SLTM: variants seen among roughly 807,000 people sequenced by gnomAD.
SLTM encodes the protein SAFB-like transcription modulator.
In SLTM, 43 loss-of-function variants were observed where a neutral mutation model predicts 134.6. The observed-to-expected ratio is 0.32, with a 90% CI of 0.25 to 0.41. SLTM has a LOEUF of 0.41. Ranked by LOEUF, SLTM falls within the 10% of genes least tolerant of loss-of-function variation. The pLI is 1.00. For missense variants in SLTM, 1,055 were observed against 1,288.8 expected (o/e 0.82, Z 2.78); for synonymous variants, 424 against 432.3 (o/e 0.98, Z 0.24).
Position 58,894,440 on chromosome 15 carries a change from A to G in SLTM, c.1370T>C (p.Val457Ala), listed in dbSNP as rs1235391427. Residue 457 changes from valine to alanine, a missense_variant, in exon 10 of 21, where the codon GTT becomes GCT. Val to Ala is a moderately conservative substitution (Grantham distance 64). This residue lies in a region of SLTM where 776 missense variants were observed against 962.2 expected (regional missense o/e 0.81). Coordinates refer to ENST00000380516, the MANE Select transcript of SLTM (RefSeq NM_024755.4). ...RTELHGQLIS[V>A]EKVKGDPSKK... Reference sequence around the variant, plus strand: ...ACAGTTAGGGAAGCTTACTTTTTCAACAGAAATCAGCTGTCCATGCAGCTC... The same window carrying G: ...ACAGTTAGGGAAGCTTACTTTTTCAGCAGAAATCAGCTGTCCATGCAGCTC... 1 of 1,614,022 alleles carries G rather than the reference A, an allele frequency of 6.2e-7. No homozygotes were observed. The highest frequency in any genetic ancestry group is 1.7e-5 in the Admixed American group (1 of 59,990).
chr15:58,883,977 T>C (rs1414558795), intron 19 of SLTM, among the ~76,000 whole-genome samples, 191 bp from the exon 20 acceptor site: 1 of 151,628 alleles, frequency 6.6e-6, no homozygotes, highest in African/African-American at 2.4e-5. Flanking sequence ...CCCACACCTA[T>C]AATCCCAGCT....
intron 2 of SLTM, among the ~76,000 whole-genome samples, chr15:58,923,727 C>T (rs1461397850): frequency 6.6e-6 from 1 of 151,656 alleles, no homozygotes; most frequent in Non-Finnish European, 1.5e-5. Context: ...TAGCAACTGC[C>T]GCAAAACTGT....
intron 16 of SLTM, 69 bp from the exon 17 acceptor site, chr15:58,888,624 T>A: frequency 1.4e-6 from 2 of 1,480,736 alleles, no homozygotes; most frequent in Non-Finnish European, 1.9e-6. Context: ...TTACTTGGAG[T>A]CATACATACC....
At chr15:58,904,967 C>G (rs1403657833) in intron 5 of SLTM, among the ~76,000 whole-genome samples, 2 of 152,120 alleles carry the variant, frequency 1.3e-5, no homozygotes, top group African/African-American at 4.8e-5. Flanking sequence ...CCTCGGCCTC[C>G]CAAAGTCCTG....
rs2034427260 is a variant in SLTM at position 58,888,776 on chromosome 15, A to G, written c.2205-221T>C. ...ATTTAACAGGAGAGAAAATAGTTGA[A>G]AAACTGCCTGTCTTTTCCATTAAAT... On this transcript the variant is annotated intron_variant, in intron 16 of 20. Coordinates refer to ENST00000380516, the MANE Select transcript of SLTM (RefSeq NM_024755.4). The G allele has an allele frequency of 7.6e-6, 3 of 396,646 alleles. No individual in the cohort carries two copies. The East Asian group carries it at 1.2e-4, about 16-fold the overall frequency. 24.6% of individuals were successfully genotyped at this position (396,646 alleles called of 1,614,324 possible). A position where few individuals can be genotyped will look rare whatever the true frequency, so the allele number is the denominator to read the frequency against.
At chr15:58,927,127 T>C (rs938545366) in intron 2 of SLTM, among the ~76,000 whole-genome samples, 7 of 151,672 alleles carry the variant, frequency 4.6e-5, no homozygotes, top group African/African-American at 1.7e-4. Flanking sequence ...CATTATGCTC[T>C]TGAGAGAGGC....
chr15:58,899,834 A>G lies in SLTM; in HGVS notation c.693T>C (p.Ala231=). 6.2e-7 allele frequency: 1 copy of G among 1,614,082 alleles called. No homozygotes were observed. Among genetic ancestry groups the G allele is most frequent in the Non-Finnish European group, 8.5e-7 (1 of 1,179,998 alleles). Residue 231 remains alanine (A), a synonymous_variant, in exon 7 of 21, where the codon GCT becomes GCC. Transcript: ENST00000380516. This position sits in a 1 kb window ranked among gnomAD's most constrained non-coding sequence, Gnocchi z 5.0. ...CCTCAGCTTCTTTCACAGTCGTATG[A>G]GCTTCCATCTCTTCATGAGCTGTGT... ...ADHTAHEEME[A]HTTVKEAEDD... is the part of the protein sequence containing the mutation.
chr15:58,903,431 A>G (rs2035631065), intron 5 of SLTM, among the ~76,000 whole-genome samples: 2 of 152,000 alleles, frequency 1.3e-5, no homozygotes, highest in South Asian at 4.1e-4. Flanking sequence ...AAAGCCTTAG[A>G]GCAGTGGTTC....
chr15:58,887,171 T>G (rs528652453), intron 18 of SLTM, 52 bp from the exon 19 acceptor site: 1 of 1,612,334 alleles, frequency 6.2e-7, no homozygotes, highest in African/African-American at 1.3e-5. Flanking sequence ...ATCTTAACTT[T>G]TTTTAACCCC....
At chr15:58,920,761 G>A (rs2036986066) in intron 2 of SLTM, among the ~76,000 whole-genome samples, 1 of 152,002 alleles carries the variant, frequency 6.6e-6, no homozygotes, top group Non-Finnish European at 1.5e-5. Flanking sequence ...TTCGAGACCA[G>A]CCTGGCCAAC....
intron 2 of SLTM, chr15:58,921,655 A>G: frequency 2.9e-6 from 1 of 350,134 alleles, no homozygotes; most frequent in Non-Finnish European, 5.9e-6. Flanking sequence ...GATACATAGT[A>G]TTCAAAAAAA....
intron 5 of SLTM, among the ~76,000 whole-genome samples, chr15:58,906,366 G>T (rs1428027482): frequency 6.6e-6 from 1 of 152,056 alleles, no homozygotes; most frequent in African/African-American, 2.4e-5. Context: ...TGTCTACAAG[G>T]TAAGTACTCA....
At chr15:58,930,238 C>T (rs12440306) in intron 2 of SLTM, among the ~76,000 whole-genome samples, 2 of 151,522 alleles carry the variant, frequency 1.3e-5, no homozygotes, top group South Asian at 2.1e-4. Flanking sequence ...CCCAGCCTCC[C>T]GAGTAGCTGG....
intron 2 of SLTM, among the ~76,000 whole-genome samples, chr15:58,919,890 C>A (rs149738302): frequency 1.2e-4 from 19 of 152,238 alleles, no homozygotes; most frequent in African/African-American, 4.6e-4. Context: ...AAATACCTTG[C>A]CTAAAACTTG....
chr15:58,920,495 T>C (rs1175092676), intron 2 of SLTM, among the ~76,000 whole-genome samples: 2 of 150,848 alleles, frequency 1.3e-5, no homozygotes, highest in African/African-American at 2.4e-5. Context: ...TGGTGGCACA[T>C]GCCTGTAATC....
chr15:58,925,020 T>C (rs1306371915), intron 2 of SLTM, among the ~76,000 whole-genome samples: 1 of 149,292 alleles, frequency 6.7e-6, no homozygotes, highest in Non-Finnish European at 1.5e-5. Context: ...CAAAATACTT[T>C]ATGGCTGAGT....
chr15:58,917,569 T>C (rs2141158009), intron 2 of SLTM, among the ~76,000 whole-genome samples: 1 of 152,330 alleles, frequency 6.6e-6, no homozygotes, highest in South Asian at 2.1e-4. Context: ...TTATGCTAAT[T>C]ATTTATTTCT....
intron 2 of SLTM, among the ~76,000 whole-genome samples, chr15:58,924,706 T>C (rs1484435381): frequency 6.6e-6 from 1 of 152,218 alleles, no homozygotes; most frequent in Non-Finnish European, 1.5e-5. Context: ...AATTGGTCTT[T>C]ATAAGGGTTT....
At position 58,925,380 on chromosome 15, in the gene SLTM, C is replaced by T. The variant is rs575451927; in HGVS notation, c.250+6976G>A. Among the ~76,000 whole-genome samples, 127 of 152,250 alleles carry T rather than the reference C, an allele frequency of 8.3e-4. 1 individual carries two copies. Among genetic ancestry groups the T allele is most frequent in the Middle Eastern group, 3.4e-3 (1 of 294 alleles). ...TGTGGCAGGGTCTTACTCTATTGCC[C>T]AGGCTGGAGTGCAGTGGCACAATCT... On this transcript the variant is annotated intron_variant, in intron 2 of 20. Transcript: ENST00000380516.
Sources: allele counts gnomAD v4.1 joint callset (sites outside exome capture counted in the v4.1 genomes callset), GRCh38; gene constraint gnomAD v4.1.1; regional missense constraint gnomAD v4.1.1; non-coding constraint Gnocchi (gnomAD v3.1); transcripts MANE v1.5; gene names NCBI Gene and HGNC (gene_info 2026-07-23, HGNC 2026-07-21).